Variants in ENTPD1 observed in about 807,000 individuals in gnomAD.
ENTPD1 encodes the protein ATP diphosphohydrolase.
In ENTPD1, 33 loss-of-function variants were observed where a neutral mutation model predicts 57.0. The observed-to-expected ratio is 0.58, with a 90% CI of 0.44 to 0.77. The LOEUF (loss-of-function observed/expected upper bound fraction) is 0.77, where lower values mean the gene tolerates loss of function less well. Among genes scored for constraint, ENTPD1 ranks in the 30% least tolerant of loss-of-function variants. ENTPD1 has a pLI of 0.00. For missense variants in ENTPD1, 501 were observed against 603.4 expected, an observed-to-expected ratio of 0.83 and a Z score of 1.78; for synonymous variants, 202 against 218.8, an observed-to-expected ratio of 0.92 and a Z score of 0.68.
chr10:95,726,751 C>T (rs1249534068), intron 1 of ENTPD1, among the ~76,000 whole-genome samples: 3 of 151,908 alleles, frequency 2.0e-5, no homozygotes, highest in African/African-American at 7.3e-5. Flanking sequence ...TGTTTTGGTG[C>T]ATTTTGGGGG....
intron 7 of ENTPD1, among the ~76,000 whole-genome samples, chr10:95,848,451 G>A (rs748106854): frequency 6.6e-5 from 10 of 152,118 alleles, no homozygotes; most frequent in Admixed American, 5.2e-4. Flanking sequence ...TTATCTTCCC[G>A]TCTGCTTGGA....
At chr10:95,721,687 GAA>G (rs34429102) in intron 1 of ENTPD1, among the ~76,000 whole-genome samples, 25,148 of 147,464 alleles carry the variant, frequency 0.17, 2,516 homozygotes, top group African/African-American at 0.28. Flanking sequence ...TTTCCTATCT[GAA>G]AAAAAAAAAA....
Position 95,867,988 on chromosome 10 carries a change from T to C in ENTPD1, c.*1605T>C, listed in dbSNP as rs896892964. On this transcript the variant is annotated 3_prime_UTR_variant, in exon 10 of 10. Coordinates refer to ENST00000371205, the MANE Select transcript of ENTPD1 (RefSeq NM_001776.6). Reference sequence around the variant, plus strand: ...AGGAATCAAAATTCGAATTGGGACATGTTCAAATTCTTTCTTGTGGTAGTT... The same window carrying C: ...AGGAATCAAAATTCGAATTGGGACACGTTCAAATTCTTTCTTGTGGTAGTT... 1 of 985,492 alleles carries C rather than the reference T, an allele frequency of 1.0e-6. No homozygotes were observed. The highest frequency in any genetic ancestry group is 4.7e-5 in the South Asian group (1 of 21,292). The allele number at this position is 985,492 out of a possible 1,614,324, so 61.0% of individuals were successfully genotyped here.
At chr10:95,847,226 A>G (rs973685376) in intron 6 of ENTPD1, among the ~76,000 whole-genome samples, 1 of 152,090 alleles carries the variant, frequency 6.6e-6, no homozygotes, top group Non-Finnish European at 1.5e-5. Context: ...GCATTCTTTG[A>G]CTAGCCAAAT....
At chr10:95,778,602 C>T (rs2140162065) in intron 1 of ENTPD1, among the ~76,000 whole-genome samples, 1 of 152,170 alleles carries the variant, frequency 6.6e-6, no homozygotes, top group East Asian at 1.9e-4. Flanking sequence ...ATGTCCTCAA[C>T]CTTATCTTTT....
chr10:95,848,109 C>T (rs1471565649), intron 7 of ENTPD1, among the ~76,000 whole-genome samples: 1 of 152,130 alleles, frequency 6.6e-6, no homozygotes, highest in Non-Finnish European at 1.5e-5. Flanking sequence ...CCTTGTGGGA[C>T]AGACCTCCTA....
At chr10:95,857,326 C>T (rs1292006706) in intron 7 of ENTPD1, among the ~76,000 whole-genome samples, 1 of 152,138 alleles carries the variant, frequency 6.6e-6, no homozygotes. Flanking sequence ...CTTTATAAAG[C>T]AAATGTCACT....
intron 2 of ENTPD1, among the ~76,000 whole-genome samples, chr10:95,825,188 T>C (rs10748647): frequency 0.54 from 82,078 of 152,108 alleles, 22,577 homozygotes; most frequent in Admixed American, 0.63. Context: ...TCAATAGCCA[T>C]ACATGGCTGG....
Position 95,712,087 on chromosome 10 carries a change from T to C in ENTPD1, c.37+94T>C, listed in dbSNP as rs2097966193. The stretch of plus-strand genomic sequence containing the variant: ...AAAATCACTGTTTGTCTCATTTTCA[T>C]CTCCAAAACCTTGATTAATGAGAAA... On this transcript the variant is annotated intron_variant, in intron 1 of 9. Coordinates refer to the ENTPD1 transcript ENST00000453258. The C allele has an allele frequency of 1.9e-6, 3 of 1,565,922 alleles. No individual in the cohort carries two copies. In the African/African-American group the frequency reaches 4.1e-5, roughly 21 times the overall value.
At position 95,784,102 on chromosome 10, in the gene ENTPD1, C is replaced by CTTTTTTTTTTTT. The variant is rs200561277; in HGVS notation, c.16+27852_16+27863dup. 3.0e-5 allele frequency among the ~76,000 whole-genome samples: 4 copies of CTTTTTTTTTTTT among 134,610 alleles called. 1 individual carries two copies. The highest frequency in any genetic ancestry group is 4.7e-5 in the Non-Finnish European group (3 of 63,262). 88.3% of individuals were successfully genotyped at this position (134,610 alleles called of 152,430 possible). Reference sequence around the variant, plus strand: ...TGTATAATCAGGTGCTTTGCTTGTTCTTTTTTTTTTTTTTTTGATTGTAGA... The same window carrying CTTTTTTTTTTTT: ...TGTATAATCAGGTGCTTTGCTTGTTCTTTTTTTTTTTTTTTTTTTTTTTTTTTTGATTGTAGA... On this transcript the variant is annotated intron_variant, in intron 1 of 9. Coordinates refer to ENST00000371205, the MANE Select transcript of ENTPD1 (RefSeq NM_001776.6).
At chr10:95,717,159 G>A (rs1461408153) in intron 1 of ENTPD1, among the ~76,000 whole-genome samples, 3 of 152,192 alleles carry the variant, frequency 2.0e-5, no homozygotes, top group Non-Finnish European at 4.4e-5. Context: ...CAGGAATCTT[G>A]TGTCTTCTGC....
chr10:95,733,714 T>C (rs2097991666), intron 1 of ENTPD1, among the ~76,000 whole-genome samples: 1 of 152,164 alleles, frequency 6.6e-6, no homozygotes, highest in Admixed American at 6.5e-5. Context: ...CCAGGTTTGG[T>C]AGTAATGGAG....
intron 2 of ENTPD1, among the ~76,000 whole-genome samples, chr10:95,834,180 G>A (rs1310807293): frequency 6.6e-6 from 1 of 152,180 alleles, no homozygotes; most frequent in African/African-American, 2.4e-5. Context: ...ATTCAATAAT[G>A]ATCTGTTGAA....
intron 1 of ENTPD1, among the ~76,000 whole-genome samples, chr10:95,773,250 G>C (rs1252644915): frequency 6.6e-6 from 1 of 152,186 alleles, no homozygotes; most frequent in Admixed American, 6.5e-5. Flanking sequence ...ATTTCAGTAT[G>C]AGGCTTGGAG....
chr10:95,761,020 C>T (rs1033313770), intron 1 of ENTPD1, among the ~76,000 whole-genome samples: 1 of 151,694 alleles, frequency 6.6e-6, no homozygotes, highest in South Asian at 2.1e-4. Flanking sequence ...TTAGTAGAGA[C>T]GGGGTTTCAC....
the ENTPD1 span, among the ~76,000 whole-genome samples, chr10:95,695,649 C>T: frequency 6.6e-6 from 1 of 152,020 alleles, no homozygotes; most frequent in African/African-American, 2.4e-5. Context: ...CATTTATTTA[C>T]CTTATTAGTA....
At position 95,867,153 on chromosome 10, in the gene ENTPD1, TAC is replaced by T; in HGVS notation, c.*772_*773del. 2 of 985,450 alleles carry T rather than the reference TAC, an allele frequency of 2.0e-6. No homozygotes were observed. The highest frequency in any genetic ancestry group is 1.2e-6 in the Non-Finnish European group (1 of 829,940). The allele number at this position is 985,450 out of a possible 1,614,324, so 61.0% of individuals were successfully genotyped here. ...GGTATATACATGTCACAAATAAAAA[TAC>T]AGTTACAACTCAGGGTCACAAAAAA... On this transcript the variant is annotated 3_prime_UTR_variant, in exon 10 of 10. Coordinates refer to ENST00000371205, the MANE Select transcript of ENTPD1 (RefSeq NM_001776.6).
chr10:95,760,814 CTTTTTTTTTTTTTTT>C (rs71034350), intron 1 of ENTPD1, among the ~76,000 whole-genome samples: 18 of 62,956 alleles, frequency 2.9e-4, no homozygotes, highest in South Asian at 8.4e-4. Context: ...AGAGTTTATT[CTTTTTTTTTTTTTTT>C]TTTTTTTTTT....
chr10:95,786,107 C>T (rs901852605), intron 1 of ENTPD1, among the ~76,000 whole-genome samples: 1 of 152,110 alleles, frequency 6.6e-6, no homozygotes, highest in Admixed American at 6.5e-5. Context: ...CCTCCTGACC[C>T]CTTATGTCCT....
Sources: gnomAD v4.1 joint callset for allele counts (sites outside exome capture counted in the v4.1 genomes callset) on GRCh38, gnomAD v4.1.1 for gene constraint, MANE v1.5 for transcripts, NCBI Gene and HGNC (gene_info 2026-07-23, HGNC 2026-07-21) for gene names.